CMBL: variants seen among roughly 807,000 people sequenced by gnomAD.
CMBL encodes carboxymethylenebutenolidase homolog, also known as carboxymethylenebutenolidase homolog (Pseudomonas).
Under a neutral mutation model 28.7 loss-of-function variants are expected in CMBL, and 17 were observed. The observed-to-expected ratio is 0.59, with a 90% confidence interval of 0.41 to 0.89. The LOEUF is 0.89. Ranked by LOEUF, CMBL falls within the 40% of genes least tolerant of loss-of-function variation. The probability of loss-of-function intolerance (pLI) is 0.00; values close to 1 mark genes in which losing one functional copy is unlikely to be tolerated. For synonymous variants in CMBL, 106 were observed against 101.6 expected (o/e 1.04, Z -0.26); for missense variants, 310 against 298.5 (o/e 1.04, Z -0.28).
intron 1 of CMBL, among the ~76,000 whole-genome samples, chr5:10,292,416 T>C (rs1455652830): frequency 2.6e-5 from 4 of 152,320 alleles, no homozygotes; most frequent in East Asian, 1.9e-4. Context: ...CTCATTATAT[T>C]GTCCAGGTTG....
intron 4 of CMBL, among the ~76,000 whole-genome samples, chr5:10,284,714 C>T (rs1170353123): frequency 3.9e-5 from 6 of 152,256 alleles, no homozygotes; most frequent in Non-Finnish European, 8.8e-5. Flanking sequence ...AATGCATTTT[C>T]GACTTGAGAT....
chr5:10,293,418 G>A (rs1386991989), intron 1 of CMBL, among the ~76,000 whole-genome samples: 3 of 152,196 alleles, frequency 2.0e-5, no homozygotes, highest in African/African-American at 7.2e-5. Flanking sequence ...GAAGGAACTA[G>A]CTGGCTCTCT....
chr5:10,283,621 A>G (rs944528442), intron 4 of CMBL, among the ~76,000 whole-genome samples: 7 of 152,186 alleles, frequency 4.6e-5, no homozygotes, highest in Non-Finnish European at 1.0e-4. Flanking sequence ...TCTACTAAAA[A>G]TACAAAATTA....
At chr5:10,286,289 G>C in intron 4 of CMBL, 65 bp downstream of exon 4, 1 of 1,508,540 alleles carries the variant, frequency 6.6e-7, no homozygotes, top group Non-Finnish European at 9.1e-7. Context: ...GGGGAGGCTT[G>C]TGATTGTTGT....
At chr5:10,296,349 C>T (rs1260730071) in intron 1 of CMBL, among the ~76,000 whole-genome samples, 2 of 152,144 alleles carry the variant, frequency 1.3e-5, no homozygotes, top group African/African-American at 2.4e-5. Context: ...GGCACAATCT[C>T]GGCTCACTAC....
At chr5:10,283,542 C>T (rs1013045533) in intron 4 of CMBL, among the ~76,000 whole-genome samples, 2 of 152,144 alleles carry the variant, frequency 1.3e-5, no homozygotes, top group South Asian at 2.1e-4. Context: ...CTTTGGGAGG[C>T]CAAGGCGGGG....
intron 1 of CMBL, among the ~76,000 whole-genome samples, chr5:10,297,201 G>A (rs1746824824): frequency 6.6e-6 from 1 of 150,610 alleles, no homozygotes; most frequent in Non-Finnish European, 1.5e-5. Context: ...AAAAAAGAGA[G>A]AGAGAGAGAG....
chr5:10,291,890 C>T (rs949652126), intron 1 of CMBL, among the ~76,000 whole-genome samples: 1 of 152,090 alleles, frequency 6.6e-6, no homozygotes, highest in Non-Finnish European at 1.5e-5. Context: ...AAAACCTATA[C>T]ACAAGGAGGC....
chr5:10,302,283 T>A (rs2126564061), intron 1 of CMBL, among the ~76,000 whole-genome samples: 1 of 152,280 alleles, frequency 6.6e-6, no homozygotes, highest in East Asian at 1.9e-4. Flanking sequence ...GCATCCCAAC[T>A]AACTGAATGG....
At position 10,278,525 on chromosome 5, in the gene CMBL, A is replaced by C. The variant is rs1017369082; in HGVS notation, c.*1928T>G. Among the ~76,000 whole-genome samples the C allele has an allele frequency of 1.3e-5, 2 of 152,052 alleles. No homozygotes were observed. Among genetic ancestry groups the C allele is most frequent in the Non-Finnish European group, 2.9e-5 (2 of 68,016 alleles). ...TAGAACCTCCAGGGGAAACCTGCAT[A>C]GATGACACCCTGGGCCCCAGTGAAG... On this transcript the variant is annotated 3_prime_UTR_variant, in exon 6 of 6. Coordinates refer to ENST00000296658, the MANE Select transcript of CMBL (RefSeq NM_138809.4).
At chr5:10,300,458 T>C (rs1746879977) in intron 1 of CMBL, among the ~76,000 whole-genome samples, 1 of 152,118 alleles carries the variant, frequency 6.6e-6, no homozygotes, top group Non-Finnish European at 1.5e-5. Flanking sequence ...ATAAAAAGAA[T>C]ATTACACAAC....
At chr5:10,287,733 T>A (rs1224633347) in intron 3 of CMBL, among the ~76,000 whole-genome samples, 3 of 151,542 alleles carry the variant, frequency 2.0e-5, no homozygotes, top group South Asian at 2.1e-4. Flanking sequence ...TTTTTTGAGA[T>A]GGAGTCTCGC....
chr5:10,291,786 G>C (rs767201609), intron 1 of CMBL, among the ~76,000 whole-genome samples: 2 of 152,208 alleles, frequency 1.3e-5, no homozygotes, highest in Non-Finnish European at 2.9e-5. Context: ...GAACTGCCTG[G>C]AACACCAGGC....
At chr5:10,307,213 T>C (rs1747015007) in intron 1 of CMBL, 1 of 152,132 alleles carries the variant, frequency 6.6e-6, no homozygotes, top group Non-Finnish European at 1.5e-5. Flanking sequence ...TTTAATAGTT[T>C]TATATTAGTA....
intron 1 of CMBL, 130 bp downstream of exon 1, chr5:10,307,495 G>A (rs1187117656): frequency 6.6e-6 from 1 of 152,218 alleles, no homozygotes; most frequent in Non-Finnish European, 1.5e-5. Flanking sequence ...TCTGAAAACG[G>A]ACTATGGGAA....
In CMBL at chr5:10,278,568, CCTCT is replaced by C. The variant is rs1229615852; in HGVS notation, c.*1881_*1884del. Among the ~76,000 whole-genome samples the C allele has an allele frequency of 6.6e-6, 1 of 151,962 alleles. No individual in the cohort carries two copies. The highest frequency in any genetic ancestry group is 2.4e-5 in the African/African-American group (1 of 41,362). The stretch of plus-strand genomic sequence containing the variant: ...CAGTGAAGGCTTTGGCTCATAGCTC[CCTCT>C]CTCTCTCGTTCTCCACCTTCTGGTT... On this transcript the variant is annotated 3_prime_UTR_variant, in exon 6 of 6. Transcript: ENST00000296658.
At chr5:10,281,242 G>C (rs979025341) in intron 5 of CMBL, among the ~76,000 whole-genome samples, 10 of 152,168 alleles carry the variant, frequency 6.6e-5, no homozygotes, top group Admixed American at 2.0e-4. Context: ...TTAAGAGTCA[G>C]GGTCTCACTC....
At chr5:10,291,495 T>C (rs112561845) in intron 1 of CMBL, among the ~76,000 whole-genome samples, 281 of 151,884 alleles carry the variant, frequency 1.9e-3, no homozygotes, top group African/African-American at 6.4e-3. Context: ...ACCCCGTCTC[T>C]ACTAAAAAAC....
Position 10,279,136 on chromosome 5 carries a change from C to T in CMBL, c.*1317G>A, listed in dbSNP as rs1403957746. ...CTCCCCTTTACGCCACCACCAGAAA[C>T]ACAGGAGATATTTCTGAGGTAGCCT... On this transcript the variant is annotated 3_prime_UTR_variant, in exon 6 of 6. Coordinates refer to ENST00000296658, the MANE Select transcript of CMBL (RefSeq NM_138809.4). The T allele has an allele frequency of 6.6e-6, 1 of 152,196 alleles. No individual in the cohort carries two copies. The highest frequency in any genetic ancestry group is 1.9e-4 in the East Asian group (1 of 5,200). 9.4% of individuals were successfully genotyped at this position (152,196 alleles called of 1,614,324 possible). A position where few individuals can be genotyped will look rare whatever the true frequency, so the allele number is the denominator to read the frequency against.
Sources: allele counts gnomAD v4.1 joint callset (sites outside exome capture counted in the v4.1 genomes callset), GRCh38; gene constraint gnomAD v4.1.1; transcripts MANE v1.5; gene names NCBI Gene and HGNC (gene_info 2026-07-23, HGNC 2026-07-21).